IGSF5: variants seen among roughly 807,000 people sequenced by gnomAD.
IGSF5 encodes immunoglobulin superfamily 5 like.
IGSF5 carries 41 observed loss-of-function variants against 39.4 expected under a neutral mutation model. The ratio of observed to expected loss-of-function variants is 1.04; its 90% CI spans 0.81 to 1.35. The LOEUF (loss-of-function observed/expected upper bound fraction) is 1.35, where lower values mean the gene tolerates loss of function less well. IGSF5 is among the 40% of genes most tolerant of loss of function. The pLI is 0.00. For synonymous variants in IGSF5, 183 were observed against 175.3 expected (o/e 1.04, Z -0.34); for missense variants, 487 against 494.6 (o/e 0.98, Z 0.15).
chr21:39,724,273 T>G, the IGSF5 span, among the ~76,000 whole-genome samples: 5 of 152,188 alleles, frequency 3.3e-5, no homozygotes, highest in African/African-American at 9.7e-5. Context: ...AAGAATACAT[T>G]TCTCATTTTC....
intron 7 of IGSF5, among the ~76,000 whole-genome samples, chr21:39,793,294 A>C (rs1216052763): frequency 1.3e-5 from 2 of 152,148 alleles, no homozygotes; most frequent in Non-Finnish European, 2.9e-5. Flanking sequence ...TGTCTGGGTG[A>C]AACTAATGTG....
At chr21:39,759,452 A>C (rs1470323301) in intron 2 of IGSF5, among the ~76,000 whole-genome samples, 1 of 152,170 alleles carries the variant, frequency 6.6e-6, no homozygotes, top group Non-Finnish European at 1.5e-5. Flanking sequence ...CTTAATGTAC[A>C]TCTTAGGCAT....
At chr21:39,736,876 C>T in the IGSF5 span, among the ~76,000 whole-genome samples, 1 of 152,128 alleles carries the variant, frequency 6.6e-6, no homozygotes, top group Non-Finnish European at 1.5e-5. Flanking sequence ...GCTGGCCAGC[C>T]CTCACAACTC....
chr21:39,715,113 C>CTTTCT, the IGSF5 span, among the ~76,000 whole-genome samples: 8 of 150,310 alleles, frequency 5.3e-5, no homozygotes, highest in Non-Finnish European at 1.0e-4. Context: ...CTCTTCCTTT[C>CTTTCT]TTTCTTTTCT....
At chr21:39,793,650 T>G (rs372547246) in intron 8 of IGSF5, 37 bp downstream of exon 8, 2 of 1,553,874 alleles carry the variant, frequency 1.3e-6, no homozygotes, top group East Asian at 2.2e-5. Context: ...TGGACTTTTT[T>G]GGCTATTTAA....
At chr21:39,732,885 G>A in the IGSF5 span, among the ~76,000 whole-genome samples, 35 of 152,008 alleles carry the variant, frequency 2.3e-4, no homozygotes, top group Non-Finnish European at 4.7e-4. Flanking sequence ...AATTAGCTGG[G>A]TGTGGTGGCA....
At chr21:39,742,792 CCT>C (rs989050235), upstream of IGSF5, among the ~76,000 whole-genome samples, 2 of 150,848 alleles carry the variant, frequency 1.3e-5, no homozygotes, top group Non-Finnish European at 3.0e-5. Context: ...TTTTTTTTAT[CCT>C]GTTTGTCCTG....
At chr21:39,766,157 T>C (rs910086540) in intron 3 of IGSF5, among the ~76,000 whole-genome samples, 5 of 152,182 alleles carry the variant, frequency 3.3e-5, no homozygotes, top group Admixed American at 2.0e-4. Flanking sequence ...GTTTCGTTGA[T>C]TTATCCCCCT....
At chr21:39,750,280 G>A (rs570924130) in intron 2 of IGSF5, among the ~76,000 whole-genome samples, 1 of 152,134 alleles carries the variant, frequency 6.6e-6, no homozygotes, top group Non-Finnish European at 1.5e-5. Context: ...TCTTCCATTG[G>A]TGCCTATTAC....
chr21:39,720,929 AAAAC>A, the IGSF5 span, among the ~76,000 whole-genome samples: 1 of 152,200 alleles, frequency 6.6e-6, no homozygotes, highest in Non-Finnish European at 1.5e-5. Flanking sequence ...ACTTCAAAAC[AAAAC>A]AAACAAAACC....
the IGSF5 span, among the ~76,000 whole-genome samples, chr21:39,732,890 G>A: frequency 2.0e-5 from 3 of 152,002 alleles, no homozygotes; most frequent in Non-Finnish European, 4.4e-5. Flanking sequence ...GCTGGGTGTG[G>A]TGGCACGTGC....
intron 2 of IGSF5, among the ~76,000 whole-genome samples, chr21:39,752,899 A>T (rs1252456330): frequency 6.6e-6 from 1 of 151,736 alleles, no homozygotes; most frequent in Non-Finnish European, 1.5e-5. Flanking sequence ...TCTGGATACT[A>T]GTCCTTTGTT....
At chr21:39,751,442 T>G (rs431735) in intron 2 of IGSF5, 124,682 of 152,216 alleles carry the variant, frequency 0.82, 51,238 homozygotes, top group Admixed American at 0.86. Flanking sequence ...CCAGGAAAGT[T>G]CTGGACATTT....
chr21:39,788,876 T>C (rs1384727168), intron 6 of IGSF5, among the ~76,000 whole-genome samples: 1 of 152,244 alleles, frequency 6.6e-6, no homozygotes, highest in Non-Finnish European at 1.5e-5. Context: ...CATGTAGTTA[T>C]CAGTATTTTA....
chr21:39,765,908 G>A (rs1189597417), intron 3 of IGSF5, 56 bp downstream of exon 3: 3 of 1,519,300 alleles, frequency 2.0e-6, no homozygotes, highest in Non-Finnish European at 2.7e-6. Flanking sequence ...AGGGCAGGAA[G>A]GACCTTCTAA....
At chr21:39,786,403 A>G (rs1359735206) in intron 5 of IGSF5, among the ~76,000 whole-genome samples, 2 of 146,564 alleles carry the variant, frequency 1.4e-5, no homozygotes, top group Non-Finnish European at 3.0e-5. Flanking sequence ...CAAAACCACA[A>G]TGAGATACCA....
At chr21:39,717,262 T>C in the IGSF5 span, among the ~76,000 whole-genome samples, 3 of 152,246 alleles carry the variant, frequency 2.0e-5, no homozygotes, top group Non-Finnish European at 4.4e-5. Context: ...AGATGCATAG[T>C]TTGCAAATAG....
chr21:39,778,405 C>T (rs1288991031), intron 4 of IGSF5, among the ~76,000 whole-genome samples: 5 of 152,218 alleles, frequency 3.3e-5, no homozygotes, highest in African/African-American at 1.2e-4. Context: ...TCCCTACCTC[C>T]CTCTTGCTTC....
At chr21:39,764,983 G>T (rs903378417) in intron 2 of IGSF5, among the ~76,000 whole-genome samples, 4 of 152,172 alleles carry the variant, frequency 2.6e-5, no homozygotes, top group African/African-American at 9.7e-5. Flanking sequence ...TTTTTATGGA[G>T]GCTCTGAGGG....
Sources: gnomAD v4.1 joint callset for allele counts (sites outside exome capture counted in the v4.1 genomes callset) on GRCh38, gnomAD v4.1.1 for gene constraint, MANE v1.5 for transcripts, NCBI Gene and HGNC (gene_info 2026-07-23, HGNC 2026-07-21) for gene names.